ATM: variants seen among roughly 807,000 people sequenced by gnomAD.
ATM encodes serine-protein kinase ATM.
A neutral mutation model predicts 387.0 loss-of-function variants in ATM; 308 were observed. That is an observed-to-expected ratio of 0.80 (90% CI 0.73 to 0.87). ATM has a LOEUF of 0.87. ATM is among the 40% of genes least tolerant of loss of function. ATM has a pLI of 0.00. For synonymous variants in ATM, 1,156 were observed against 1,187.3 expected (o/e 0.97, Z 0.54); for missense variants, 3,312 against 3,560.9 (o/e 0.93, Z 1.78).
In ATM at chr11:108,272,868, T is replaced by G. The variant is rs376541962; in HGVS notation, c.3284+16T>G. The G allele has an allele frequency of 1.9e-5, 30 of 1,613,920 alleles. No individual in the cohort carries two copies. In the African/African-American group the frequency reaches 3.1e-4, roughly 16 times the overall value. On this transcript the variant is annotated intron_variant, in intron 22 of 62. Coordinates refer to ENST00000675843, the MANE Select transcript of ATM (RefSeq NM_000051.4). ...CAATCAATAGGTAATGGGTCAAATATTCATGAAGTATTTGGAATGCTGCAG... is the reference window on the plus strand; with the variant it reads ...CAATCAATAGGTAATGGGTCAAATAGTCATGAAGTATTTGGAATGCTGCAG...
chr11:108,266,457 G>T (rs2081245161), intron 16 of ATM, among the ~76,000 whole-genome samples: 1 of 142,442 alleles, frequency 7.0e-6, no homozygotes, highest in Admixed American at 7.4e-5. Context: ...GACACAGGAA[G>T]GGGAATATCA....
intron 32 of ATM, chr11:108,295,375 GGAGT>G (rs1329251414): frequency 1.5e-5 from 5 of 325,598 alleles, no homozygotes; most frequent in Non-Finnish European, 2.9e-5. Flanking sequence ...CACCTAGGCT[GGAGT>G]GTAGTGGCAC....
intron 26 of ATM, chr11:108,287,245 A>G (rs371998374): frequency 6.1e-6 from 1 of 162,630 alleles, no homozygotes; most frequent in Admixed American, 6.3e-5. Flanking sequence ...TAAAATTCAG[A>G]TAGAGGAGCA....
intron 5 of ATM, among the ~76,000 whole-genome samples, chr11:108,243,574 T>C (rs1196288572): frequency 1.3e-5 from 2 of 152,030 alleles, no homozygotes; most frequent in Non-Finnish European, 2.9e-5. Flanking sequence ...GATTGCACCA[T>C]TGCACTCCAG....
At position 108,366,536 on chromosome 11, in the gene ATM, T is replaced by G. The variant is rs1330653822; in HGVS notation, c.*1028T>G. On this transcript the variant is annotated 3_prime_UTR_variant, in exon 63 of 63. Transcript: ENST00000675843. Reference sequence around the variant, plus strand: ...GATAGGCTGTTCATCCAGTTTTGTCTTTTTGAAAAGTGAGTTTATTTTCAG... The same window carrying G: ...GATAGGCTGTTCATCCAGTTTTGTCGTTTTGAAAAGTGAGTTTATTTTCAG... 2 of 229,032 alleles carry G rather than the reference T, an allele frequency of 8.7e-6. No homozygotes were observed. The highest frequency in any genetic ancestry group is 1.7e-5 in the Non-Finnish European group (2 of 115,482). The allele number at this position is 229,032 out of a possible 1,614,324, so 14.2% of individuals were successfully genotyped here.
In ATM at chr11:108,336,141, T is replaced by TA. The variant is rs374306537; in HGVS notation, c.8268+195dup. On this transcript the variant is annotated intron_variant, in intron 56 of 62. Coordinates refer to ENST00000675843, the MANE Select transcript of ATM (RefSeq NM_000051.4). Reference sequence around the variant, plus strand: ...GTGAGACCCCATCTTGACAAAAAGTTAAAAAAAAAAAAAAAGCCAGAGATG... The same window carrying TA: ...GTGAGACCCCATCTTGACAAAAAGTTAAAAAAAAAAAAAAAAGCCAGAGATG... 6,134 of 439,734 alleles carry TA rather than the reference T, an allele frequency of 0.014. 18 individuals are homozygous for TA. Among genetic ancestry groups the TA allele is most frequent in the African/African-American group, 0.036 (1,581 of 44,496 alleles). The allele number at this position is 439,734 out of a possible 1,614,324, so 27.2% of individuals were successfully genotyped here.
rs151300844 is a variant in ATM at position 108,351,270 on chromosome 11, G to A, written c.8672-2496G>A. On this transcript the variant is annotated intron_variant, in intron 59 of 62. Coordinates refer to ENST00000675843, the MANE Select transcript of ATM (RefSeq NM_000051.4). ...AGAGGTGATTAGTGACTGGTAGGAG[G>A]GACTGAAAGGGGGCCTCTGGAATGC... Among the ~76,000 whole-genome samples, 1,211 of 152,190 alleles carry A rather than the reference G, an allele frequency of 8.0e-3. 8 individuals carry two copies. Among genetic ancestry groups the A allele is most frequent in the African/African-American group, 0.025 (1,035 of 41,528 alleles).
At chr11:108,288,079 T>G (rs2082590330) in intron 27 of ATM, among the ~76,000 whole-genome samples, 1 of 152,006 alleles carries the variant, frequency 6.6e-6, no homozygotes, top group African/African-American at 2.4e-5. Flanking sequence ...ACCTTTTCTT[T>G]TTTTTTTTGA....
rs770138283 is a variant in ATM at position 108,335,079 on chromosome 11, C to T, written c.8121C>T (p.Ser2707=). ...CAAAAATAATAGATTGTGTAGGTTC[C>T]GATGGCAAGGAGAGGAGACAGCTTG... The part of the protein sequence containing the change: ...NLPKIIDCVG[S]DGKERRQLVK... Residue 2707 remains serine, a synonymous_variant, in exon 55 of 63, where the codon TCC becomes TCT. Coordinates refer to ENST00000675843, the MANE Select transcript of ATM (RefSeq NM_000051.4). The T allele has an allele frequency of 1.1e-5, 17 of 1,613,892 alleles. No homozygotes were observed. The highest frequency in any genetic ancestry group is 3.3e-5 in the Admixed American group (2 of 59,980).
chr11:108,256,279 G>A lies in ATM; in HGVS notation c.2189G>A (p.Cys730Tyr), dbSNP rs587781595. Reference protein sequence around the residue: ...RLLVGVLGCYCYMGVIAEEEA... With the variant: ...RLLVGVLGCYYYMGVIAEEEA... ...TTGGTGGGTGTCCTTGGCTGCTACT[G>A]TTACATGGGTGTAATAGCTGAAGAG... The change falls in exon 14 of 63, where the codon TGT (cysteine) becomes TAT (tyrosine). Residue 730 changes from cysteine (C) to tyrosine (Y), a missense_variant. Physicochemically the swap from Cys to Tyr is radical, Grantham distance 194. Around this residue, in one of 4 missense-constraint regions of ATM, gnomAD observed 1,791 missense variants for 1,804.5 expected, o/e 0.99. Coordinates refer to ENST00000675843, the MANE Select transcript of ATM (RefSeq NM_000051.4). 1.7e-5 allele frequency: 28 copies of A among 1,611,232 alleles called. No individual in the cohort carries two copies. The highest frequency in any genetic ancestry group is 2.7e-5 in the African/African-American group (2 of 74,888).
intron 4 of ATM, among the ~76,000 whole-genome samples, chr11:108,232,630 C>G (rs555733693): frequency 1.5e-5 from 2 of 130,848 alleles, no homozygotes; most frequent in African/African-American, 5.8e-5. Flanking sequence ...GCCTCTTCTT[C>G]CTGGGCGCAA....
intron 40 of ATM, among the ~76,000 whole-genome samples, chr11:108,315,614 A>C (rs1445151982): frequency 6.6e-6 from 1 of 152,170 alleles, no homozygotes; most frequent in African/African-American, 2.4e-5. Context: ...TTGAAAAAAA[A>C]ATCCACATAT....
At chr11:108,258,239 G>A (rs2080629077) in intron 15 of ATM, among the ~76,000 whole-genome samples, 1 of 152,132 alleles carries the variant, frequency 6.6e-6, no homozygotes. Flanking sequence ...CAGTTGAATG[G>A]TACATAAAGG....
At chr11:108,288,584 G>C (rs2082619937) in intron 27 of ATM, among the ~76,000 whole-genome samples, 1 of 147,696 alleles carries the variant, frequency 6.8e-6, no homozygotes, top group Non-Finnish European at 1.5e-5. Flanking sequence ...TTTCACATAT[G>C]TAATTTCATG....
At chr11:108,271,452 T>C (rs2135556045) in intron 20 of ATM, 46 bp downstream of exon 20, 1 of 1,606,830 alleles carries the variant, frequency 6.2e-7, no homozygotes, top group Non-Finnish European at 8.5e-7. Context: ...TTGCTATCTG[T>C]GGATACGAAT....
intron 40 of ATM, among the ~76,000 whole-genome samples, chr11:108,313,624 A>C (rs1320227665): frequency 6.6e-6 from 1 of 152,124 alleles, no homozygotes; most frequent in Non-Finnish European, 1.5e-5. Context: ...TGCCTTCTTC[A>C]TAGGCTCCTC....
At chr11:108,329,575 T>G (rs2086048537) in intron 49 of ATM, among the ~76,000 whole-genome samples, 1 of 152,076 alleles carries the variant, frequency 6.6e-6, no homozygotes, top group African/African-American at 2.4e-5. Flanking sequence ...CATACCTGGC[T>G]AATTTTTGTA....
At chr11:108,288,874 AT>A in intron 27 of ATM, 102 bp from the exon 28 acceptor site, 2 of 1,407,922 alleles carry the variant, frequency 1.4e-6, no homozygotes, top group South Asian at 2.4e-5. Flanking sequence ...TGGTTTTTGA[AT>A]TTGGGGGTTA....
chr11:108,311,388 C>T (rs1052348831), intron 39 of ATM, among the ~76,000 whole-genome samples: 4 of 152,012 alleles, frequency 2.6e-5, no homozygotes, highest in South Asian at 4.1e-4. Flanking sequence ...TATAACTGTT[C>T]CTAGTTTAGT....
Sources: gnomAD v4.1 joint callset for allele counts (sites outside exome capture counted in the v4.1 genomes callset) on GRCh38, gnomAD v4.1.1 for gene constraint, gnomAD v4.1.1 regional missense constraint, MANE v1.5 for transcripts, NCBI Gene and HGNC (gene_info 2026-07-23, HGNC 2026-07-21) for gene names.